ADA2: variants seen among roughly 807,000 people sequenced by gnomAD.
ADA2 encodes the protein adenosine deaminase 2.
ADA2 carries 29 observed loss-of-function variants against 44.2 expected under a neutral mutation model. The observed-to-expected ratio is 0.66, with a 90% CI of 0.49 to 0.89. ADA2 has a LOEUF of 0.89. Ranked by LOEUF, ADA2 falls within the 40% of genes least tolerant of loss-of-function variation. ADA2 has a pLI of 0.00. For missense variants in ADA2, 637 were observed against 644.8 expected, an observed-to-expected ratio of 0.99 and a Z score of 0.13; for synonymous variants, 215 against 234.9, an observed-to-expected ratio of 0.92 and a Z score of 0.77.
rs1214076752 is a variant in ADA2 at position 17,207,282 on chromosome 22, A to G, written c.331T>C (p.Leu111=). The G allele has an allele frequency of 1.9e-6, 3 of 1,604,046 alleles. No individual in the cohort carries two copies. The highest frequency in any genetic ancestry group is 2.6e-6 in the Non-Finnish European group (3 of 1,172,052). Reference sequence around the variant, plus strand: ...ACGATGCCAATGTCATGGAGGTGCAAGGCAGCCCCTGGAGAGGGAAGAAGA... The same window carrying G: ...ACGATGCCAATGTCATGGAGGTGCAGGGCAGCCCCTGGAGAGGGAAGAAGA... ...ILRMMPKGAA[L]HLHDIGIVTM... is the part of the protein sequence containing the mutation. Residue 111 remains leucine (L), a synonymous_variant, in exon 3 of 10, where the codon TTG becomes CTG. Transcript: ENST00000399837.
At chr22:17,184,105 G>A (rs547498337) in intron 7 of ADA2, among the ~76,000 whole-genome samples, 5 of 150,904 alleles carry the variant, frequency 3.3e-5, no homozygotes, top group Admixed American at 6.6e-5. Context: ...GACTACAGGC[G>A]CCCGCCACCA....
chr22:17,220,122 T>G (rs1356923630), upstream of ADA2, among the ~76,000 whole-genome samples: 2 of 152,192 alleles, frequency 1.3e-5, no homozygotes, highest in Admixed American at 1.3e-4. Flanking sequence ...GAAGTTCTCC[T>G]TCCTCAAAAT....
intron 4 of ADA2, chr22:17,199,673 C>CTGA: frequency 6.2e-7 from 1 of 1,603,684 alleles, no homozygotes; most frequent in South Asian, 1.1e-5. Context: ...GAGCCCAGCG[C>CTGA]GGTGAGGAAA....
At chr22:17,202,905 C>A (rs182119680) in intron 4 of ADA2, among the ~76,000 whole-genome samples, 1 of 152,074 alleles carries the variant, frequency 6.6e-6, no homozygotes, top group East Asian at 1.9e-4. Context: ...GCCTCAGCCT[C>A]CCGAGTAGCT....
intron 1 of ADA2, 133 bp from the exon 2 acceptor site, chr22:17,209,856 G>GACCT (rs1339813490): frequency 1.7e-6 from 1 of 600,866 alleles, no homozygotes; most frequent in Non-Finnish European, 2.9e-6. Flanking sequence ...CCAGAGAAAA[G>GACCT]ACCTACAGGT....
At position 17,188,447 on chromosome 22, in the gene ADA2, C is replaced by T. The variant is rs374130382; in HGVS notation, c.973G>A (p.Val325Met). Reference sequence around the variant, plus strand: ...GAGTGGCCAGTGTCCTCATGCCCCACCTGCAGGACAGAGAGGGACAGGGAG... The same window carrying T: ...GAGTGGCCAGTGTCCTCATGCCCCATCTGCAGGACAGAGAGGGACAGGGAG... ...FPTVVAGFDLVGHEDTGHSLH... is the reference protein window; with the variant it reads ...FPTVVAGFDLMGHEDTGHSLH... Residue 325 changes from valine (V) to methionine (M), a missense_variant and splice_region_variant, in exon 7 of 10, where the codon GTG (valine) becomes ATG (methionine). Physicochemically the swap from Val to Met is conservative, Grantham distance 21 (BLOSUM62 1). Coordinates refer to ENST00000399837, the MANE Select transcript of ADA2 (RefSeq NM_001282225.2). 3.7e-6 allele frequency: 6 copies of T among 1,606,638 alleles called. No individual in the cohort carries two copies. Among genetic ancestry groups the T allele is most frequent in the African/African-American group, 1.3e-5 (1 of 74,688 alleles).
chr22:17,181,903 A>G lies in ADA2; in HGVS notation c.1359T>C (p.Tyr453=), dbSNP rs7289170. The stretch of plus-strand genomic sequence containing the variant: ...TGCCCATGAAGACCTCATAGAAATC[A>G]TAGGACAAGCCTTTGGCACCAAACA... ...PAMFGAKGLS[Y]DFYEVFMGIG... Residue 453 remains tyrosine (Y), a synonymous_variant, in exon 9 of 10, where the codon TAT becomes TAC. Coordinates refer to ENST00000399837, the MANE Select transcript of ADA2 (RefSeq NM_001282225.2). The G allele has an allele frequency of 0.31, 494,735 of 1,613,476 alleles. 80,050 individuals carry two copies. Among genetic ancestry groups the G allele is most frequent in the Non-Finnish European group, 0.34 (399,270 of 1,179,514 alleles).
chr22:17,202,714 C>G (rs1160548382), intron 4 of ADA2, among the ~76,000 whole-genome samples: 4 of 152,120 alleles, frequency 2.6e-5, no homozygotes, highest in African/African-American at 9.7e-5. Flanking sequence ...CTTTAATCAG[C>G]CAAACCTGGC....
intron 1 of ADA2, chr22:17,209,950 G>T (rs1432081609): frequency 2.5e-6 from 1 of 398,298 alleles, no homozygotes; most frequent in Non-Finnish European, 4.5e-6. Context: ...GAGCACGGTG[G>T]TGCAATCTCG....
At chr22:17,217,263 A>G (rs1405984169) in intron 1 of ADA2, among the ~76,000 whole-genome samples, 1 of 152,186 alleles carries the variant, frequency 6.6e-6, no homozygotes, top group Non-Finnish European at 1.5e-5. Flanking sequence ...GGTGAAGGAA[A>G]TAAGCCAATA....
At chr22:17,202,668 A>T (rs1389813927) in intron 4 of ADA2, among the ~76,000 whole-genome samples, 1 of 152,088 alleles carries the variant, frequency 6.6e-6, no homozygotes, top group Non-Finnish European at 1.5e-5. Context: ...CCCTCCAGCT[A>T]TCTCGATGTT....
At position 17,204,004 on chromosome 22, in the gene ADA2, A is replaced by G. The variant is rs73385970; in HGVS notation, c.543-231T>C. The stretch of plus-strand genomic sequence containing the variant: ...CTTAAACCCAAACCCCAAACGCAGG[A>G]GACTGCTTAAGATGAGAGCTCACCA... On this transcript the variant is annotated intron_variant, in intron 3 of 9. Coordinates refer to ENST00000399837, the MANE Select transcript of ADA2 (RefSeq NM_001282225.2). Among the ~76,000 whole-genome samples, 431 of 152,156 alleles carry G rather than the reference A, an allele frequency of 2.8e-3. 3 individuals carry two copies. The highest frequency in any genetic ancestry group is 9.8e-3 in the East Asian group (51 of 5,178).
chr22:17,189,038 G>A (rs1187074317), intron 6 of ADA2, among the ~76,000 whole-genome samples: 1 of 91,518 alleles, frequency 1.1e-5, no homozygotes, highest in African/African-American at 4.2e-5. Context: ...TTTTTTTTTT[G>A]AGATGGAGTC....
In ADA2 at chr22:17,179,593, A is replaced by G. The variant is rs1381539049; in HGVS notation, c.*1890T>C. 6.6e-6 allele frequency: 1 copy of G among 152,408 alleles called. No individual in the cohort carries two copies. Among genetic ancestry groups the G allele is most frequent in the Admixed American group, 6.5e-5 (1 of 15,276 alleles). 9.4% of individuals were successfully genotyped at this position (152,408 alleles called of 1,614,324 possible). A position where few individuals can be genotyped will look rare whatever the true frequency, so the allele number is the denominator to read the frequency against. ...AGGGTAAACAGGAGTGGGCAAGACA[A>G]AAGGGGAAAGAAGGAATCTTCCAGG... On this transcript the variant is annotated 3_prime_UTR_variant, in exon 10 of 10. Coordinates refer to ENST00000399837, the MANE Select transcript of ADA2 (RefSeq NM_001282225.2).
Position 17,207,283 on chromosome 22 carries a change from G to T in ADA2, c.330C>A (p.Ala110=). 1 of 1,603,852 alleles carries T rather than the reference G, an allele frequency of 6.2e-7. No individual in the cohort carries two copies. Among genetic ancestry groups the T allele is most frequent in the South Asian group, 1.1e-5 (1 of 90,854 alleles). The change falls in exon 3 of 10, where the codon GCC becomes GCA. Residue 110 remains alanine (A), a synonymous_variant. Transcript: ENST00000399837. ...CGATGCCAATGTCATGGAGGTGCAAGGCAGCCCCTGGAGAGGGAAGAAGAA... is the reference window on the plus strand; with the variant it reads ...CGATGCCAATGTCATGGAGGTGCAATGCAGCCCCTGGAGAGGGAAGAAGAA... The part of the protein sequence containing the change: ...NILRMMPKGA[A]LHLHDIGIVT...
chr22:17,186,320 C>T (rs777680146), intron 7 of ADA2, among the ~76,000 whole-genome samples: 13 of 152,156 alleles, frequency 8.5e-5, no homozygotes, highest in South Asian at 2.1e-4. Context: ...CACATGAGGC[C>T]GGGTAATCCC....
chr22:17,203,341 CA>C (rs2062313315), intron 4 of ADA2, among the ~76,000 whole-genome samples: 2 of 152,272 alleles, frequency 1.3e-5, no homozygotes, highest in African/African-American at 2.4e-5. Context: ...CCATGAGAAA[CA>C]GGGGGGCAAA....
rs1396497266 is a variant in ADA2, at chr22:17,209,686, C to G, written c.-9G>C. 1.2e-6 allele frequency: 2 copies of G among 1,608,404 alleles called. No individual in the cohort carries two copies. Among genetic ancestry groups the G allele is most frequent in the South Asian group, 2.2e-5 (2 of 90,842 alleles). Reference sequence around the variant, plus strand: ...GGGCCATCCACCAACATCGGGATGCCTGGACTAGGAAAGGGCTCAGATGGA... The same window carrying G: ...GGGCCATCCACCAACATCGGGATGCGTGGACTAGGAAAGGGCTCAGATGGA... On this transcript the variant is annotated 5_prime_UTR_variant, in exon 2 of 10. Transcript: ENST00000399837.
intron 4 of ADA2, among the ~76,000 whole-genome samples, chr22:17,194,444 C>T (rs918064845): frequency 7.2e-5 from 11 of 152,164 alleles, no homozygotes; most frequent in African/African-American, 2.4e-4. Flanking sequence ...CTCAGATCCC[C>T]GCATTCCCCC....
Sources: allele counts gnomAD v4.1 joint callset (sites outside exome capture counted in the v4.1 genomes callset), GRCh38; gene constraint gnomAD v4.1.1; transcripts MANE v1.5; gene names NCBI Gene and HGNC (gene_info 2026-07-23, HGNC 2026-07-21).